Variants in LAMA1 observed in about 807,000 individuals in gnomAD.
LAMA1 encodes laminin subunit alpha 1.
In LAMA1, 219 loss-of-function variants were observed where a neutral mutation model predicts 348.7. The observed-to-expected ratio is 0.63, with a 90% CI of 0.56 to 0.70. The LOEUF is 0.70. LAMA1 is among the 30% of genes least tolerant of loss of function. LAMA1 has a pLI of 0.00. For missense variants in LAMA1, 3,744 were observed against 3,888.0 expected (o/e 0.96, Z 0.99); for synonymous variants, 1,487 against 1,491.0 (o/e 1.00, Z 0.06).
chr18:7,092,497 G>A (rs1307756591), intron 1 of LAMA1, among the ~76,000 whole-genome samples: 2 of 151,974 alleles, frequency 1.3e-5, no homozygotes, highest in Non-Finnish European at 2.9e-5. Context: ...GTGGTGGCAC[G>A]CACTGTAGTC....
chr18:7,082,094 T>TA, intron 1 of LAMA1, among the ~76,000 whole-genome samples: 1 of 152,198 alleles, frequency 6.6e-6, no homozygotes, highest in African/African-American at 2.4e-5. Flanking sequence ...ATGCATCTAT[T>TA]AAAAAAATAC....
intron 39 of LAMA1, among the ~76,000 whole-genome samples, chr18:6,984,707 A>G: frequency 6.6e-6 from 1 of 152,354 alleles, no homozygotes; most frequent in South Asian, 2.1e-4. Flanking sequence ...AATATAAGTT[A>G]AAGTAATTGT....
chr18:7,007,913 T>TTTTATTTATTTATTTATTTATTTA (rs58519890), intron 28 of LAMA1, among the ~76,000 whole-genome samples: 1 of 136,742 alleles, frequency 7.3e-6, no homozygotes, highest in East Asian at 2.0e-4. Flanking sequence ...ATTACTCCAC[T>TTTTATTTATTTATTTATTTATTTA]TTTATTTATT....
chr18:6,956,840 C>G, intron 55 of LAMA1, 75 bp from the exon 56 acceptor site: 1 of 1,501,918 alleles, frequency 6.7e-7, no homozygotes, highest in South Asian at 1.1e-5. Flanking sequence ...CATCTGATAA[C>G]TGTACAATGA....
chr18:7,028,156 C>G (rs1454742808), intron 16 of LAMA1, among the ~76,000 whole-genome samples: 1 of 152,142 alleles, frequency 6.6e-6, no homozygotes, highest in Non-Finnish European at 1.5e-5. Flanking sequence ...AACAGAAACT[C>G]AAACTTCAGG....
At chr18:6,989,789 A>G (rs1383922781) in intron 36 of LAMA1, among the ~76,000 whole-genome samples, 1 of 152,166 alleles carries the variant, frequency 6.6e-6, no homozygotes, top group Non-Finnish European at 1.5e-5. Flanking sequence ...CTCTGGAGGC[A>G]GTGCCCCAGG....
chr18:6,956,740 C>T lies in LAMA1; in HGVS notation c.7990G>A (p.Gly2664Ser). The T allele has an allele frequency of 6.2e-7, 1 of 1,614,164 alleles. No homozygotes were observed. Among genetic ancestry groups the T allele is most frequent in the South Asian group, 1.1e-5 (1 of 91,070 alleles). The change falls in exon 56 of 63, where the codon GGC (glycine) becomes AGC (serine). Residue 2664 changes from glycine (G) to serine (S), a missense_variant. Transcript: ENST00000389658. ...LELLDFNSAV[G>S]HEQVDLDTCW... ...GTGTCCAGGTCGACTTGCTCATGGC[C>T]AACTGCACTGTTGAAATCCAAAAGT...
chr18:7,023,243 C>A lies in LAMA1; in HGVS notation c.2622G>T (p.Leu874=). The A allele has an allele frequency of 6.2e-7, 1 of 1,614,016 alleles. No homozygotes were observed. The highest frequency in any genetic ancestry group is 8.5e-7 in the Non-Finnish European group (1 of 1,180,014). Residue 874 remains leucine, a synonymous_variant, in exon 19 of 63, where the codon CTG becomes CTT. Coordinates refer to ENST00000389658, the MANE Select transcript of LAMA1 (RefSeq NM_005559.4). ...CACAGTGGGCGCCATCTGTGTTCCCCAGGCACTTCAGGCACTCCCCGGTGA... is the reference window on the plus strand; with the variant it reads ...CACAGTGGGCGCCATCTGTGTTCCCAAGGCACTTCAGGCACTCCCCGGTGA... The part of the protein sequence containing the change: ...DSVTGECLKC[L]GNTDGAHCER...
chr18:7,057,787 T>G (rs1427970672), intron 3 of LAMA1, among the ~76,000 whole-genome samples: 1 of 139,942 alleles, frequency 7.1e-6, no homozygotes, highest in East Asian at 2.1e-4. Context: ...CCCAAAATTC[T>G]TTCTTTCTTT....
At chr18:6,982,190 C>T (rs1213362132) in intron 41 of LAMA1, among the ~76,000 whole-genome samples, 1 of 151,990 alleles carries the variant, frequency 6.6e-6, no homozygotes, top group Admixed American at 6.5e-5. Flanking sequence ...CCAACAGACA[C>T]TAGGAAGAAC....
intron 3 of LAMA1, among the ~76,000 whole-genome samples, chr18:7,052,180 G>C (rs775122584): frequency 6.6e-6 from 1 of 152,182 alleles, no homozygotes; most frequent in Non-Finnish European, 1.5e-5. Flanking sequence ...TGTAATCCCA[G>C]CACTTTGGGA....
intron 3 of LAMA1, among the ~76,000 whole-genome samples, chr18:7,071,046 A>G (rs1390995099): frequency 3.9e-5 from 6 of 152,204 alleles, no homozygotes; most frequent in African/African-American, 1.4e-4. Flanking sequence ...GGAAAGGGCT[A>G]GAATCTGAAC....
At chr18:6,959,775 G>A in intron 53 of LAMA1, 2 of 384,292 alleles carry the variant, frequency 5.2e-6, no homozygotes, top group South Asian at 4.9e-5. Context: ...ATACCAATAA[G>A]TAGATATATT....
At chr18:7,056,940 T>C (rs2058084493) in intron 3 of LAMA1, among the ~76,000 whole-genome samples, 2 of 151,912 alleles carry the variant, frequency 1.3e-5, no homozygotes, top group African/African-American at 4.8e-5. Context: ...GGCATGATCT[T>C]GGCTCACTGC....
intron 15 of LAMA1, among the ~76,000 whole-genome samples, chr18:7,032,555 A>G (rs2057975168): frequency 6.6e-6 from 1 of 152,232 alleles, no homozygotes; most frequent in African/African-American, 2.4e-5. Context: ...ATTTTCATAT[A>G]TTTCACATGT....
chr18:7,051,286 G>A (rs998030303), intron 3 of LAMA1, among the ~76,000 whole-genome samples: 6 of 152,112 alleles, frequency 3.9e-5, no homozygotes, highest in Non-Finnish European at 5.9e-5. Context: ...TAATTATCTG[G>A]ATTGTGATGA....
chr18:6,971,768 T>G, intron 48 of LAMA1, 89 bp downstream of exon 48: 1 of 1,567,528 alleles, frequency 6.4e-7, no homozygotes, highest in East Asian at 2.2e-5. Context: ...ACTCTATTCC[T>G]TGACGTGCAT....
rs3038921 is a variant in LAMA1 at position 7,100,058 on chromosome 18, C to CAAAAAAA, written c.61+17595_61+17601dup. ...TGGGCAACAGAGCCAGACTTTGTCT[C>CAAAAAAA]AAAAAAAAAAAAAAAAAAAAAAAAG... On this transcript the variant is annotated intron_variant, in intron 1 of 62. Coordinates refer to ENST00000389658, the MANE Select transcript of LAMA1 (RefSeq NM_005559.4). Among the ~76,000 whole-genome samples, 391 of 79,532 alleles carry CAAAAAAA rather than the reference C, an allele frequency of 4.9e-3. 6 individuals are homozygous for CAAAAAAA. Among genetic ancestry groups the CAAAAAAA allele is most frequent in the African/African-American group, 6.6e-3 (136 of 20,732 alleles). The allele number at this position is 79,532 out of a possible 152,430, so 52.2% of individuals were successfully genotyped here.
intron 48 of LAMA1, 109 bp from the exon 49 acceptor site, chr18:6,966,406 C>T (rs1238506707): frequency 3.9e-5 from 36 of 917,500 alleles, no homozygotes; most frequent in Non-Finnish European, 5.7e-5. Flanking sequence ...GCTATTAGTT[C>T]CATACTTTCA....
Sources: gnomAD v4.1 joint callset for allele counts (sites outside exome capture counted in the v4.1 genomes callset) on GRCh38, gnomAD v4.1.1 for gene constraint, MANE v1.5 for transcripts, NCBI Gene and HGNC (gene_info 2026-07-23, HGNC 2026-07-21) for gene names.